The following PSG2 variants were observed in gnomAD, a reference collection of about 807,000 sequenced individuals.
PSG2 encodes the protein pregnancy specific beta-1-glycoprotein 2.
PSG2 carries 49 observed loss-of-function variants against 36.2 expected under a neutral mutation model. The observed-to-expected ratio is 1.35, with a 90% CI of 1.08 to 1.72. The LOEUF (loss-of-function observed/expected upper bound fraction) is 1.72. Among genes scored for constraint, PSG2 ranks in the 40% most tolerant of loss-of-function variants. PSG2 has a pLI of 0.00. For missense variants in PSG2, 605 were observed against 407.2 expected, an observed-to-expected ratio of 1.49 and a Z score of -4.18; for synonymous variants, 261 against 155.6, an observed-to-expected ratio of 1.68 and a Z score of -5.04.
At chr19:43,065,128 C>A (rs1345956714) in intron 5 of PSG2, among the ~76,000 whole-genome samples, 1 of 151,798 alleles carries the variant, frequency 6.6e-6, no homozygotes, top group Admixed American at 6.6e-5. Context: ...AGCCATCGCG[C>A]TCAGCCTAGA....
In PSG2 at chr19:43,076,854, T is replaced by C. The variant is rs545332738; in HGVS notation, c.431-1222A>G. On this transcript the variant is annotated intron_variant, in intron 2 of 5. Transcript: ENST00000406487. Reference sequence around the variant, plus strand: ...TTTTTATTTTGGAATATTTGCCGTATATGTACTGGTTTAGCATCCCAAATC... The same window carrying C: ...TTTTTATTTTGGAATATTTGCCGTACATGTACTGGTTTAGCATCCCAAATC... Among the ~76,000 whole-genome samples, 311 of 151,630 alleles carry C rather than the reference T, an allele frequency of 2.1e-3. 4 individuals carry two copies. Among genetic ancestry groups the C allele is most frequent in the African/African-American group, 6.6e-3 (271 of 41,040 alleles).
intron 4 of PSG2, among the ~76,000 whole-genome samples, chr19:43,067,615 A>C (rs893733812): frequency 1.3e-5 from 2 of 151,402 alleles, no homozygotes; most frequent in African/African-American, 4.9e-5. Flanking sequence ...AGCGTGGTGT[A>C]AAAACTTTCC....
intron 4 of PSG2, among the ~76,000 whole-genome samples, chr19:43,069,854 A>G (rs1383305724): frequency 6.6e-6 from 1 of 151,802 alleles, no homozygotes; most frequent in African/African-American, 2.4e-5. Context: ...CATAAAAATC[A>G]AAACCTTTTA....
intron 3 of PSG2, 60 bp downstream of exon 3, chr19:43,075,294 C>A: frequency 1.9e-6 from 3 of 1,612,880 alleles, no homozygotes; most frequent in Non-Finnish European, 2.5e-6. Context: ...AGAGGCCTGG[C>A]CTCTGGCCAT....
chr19:43,068,036 TA>T (rs1367988977), intron 4 of PSG2, among the ~76,000 whole-genome samples: 2 of 151,416 alleles, frequency 1.3e-5, no homozygotes, highest in African/African-American at 2.4e-5. Flanking sequence ...TAGAGGAAAT[TA>T]CTGAAACCAA....
Position 43,071,803 on chromosome 19 carries a change from A to G in PSG2, c.861T>C (p.Phe287=), listed in dbSNP as rs781036584. 9.3e-6 allele frequency: 15 copies of G among 1,613,006 alleles called. 1 individual carries two copies. Among genetic ancestry groups the G allele is most frequent in the Non-Finnish European group, 1.3e-5 (15 of 1,179,526 alleles). ...GKFQQSGQNL[F]IPQITTKHSG... is the part of the protein sequence containing the mutation. ...TATGCTTTGTAGTAATTTGGGGGATAAACAGATTTTGTCCTGATTGCTGAA... is the reference window on the plus strand; with the variant it reads ...TATGCTTTGTAGTAATTTGGGGGATGAACAGATTTTGTCCTGATTGCTGAA... Residue 287 remains phenylalanine (F), a synonymous_variant, in exon 4 of 6, where the codon TTT becomes TTC. Coordinates refer to ENST00000406487, the MANE Select transcript of PSG2 (RefSeq NM_031246.4).
At chr19:43,072,067 G>C in intron 3 of PSG2, 113 bp from the exon 4 acceptor site, 1 of 1,459,294 alleles carries the variant, frequency 6.9e-7, no homozygotes, top group Non-Finnish European at 9.3e-7. Flanking sequence ...TCAAGTCCCA[G>C]CAAAACCCCC....
At position 43,077,157 on chromosome 19, in the gene PSG2, T is replaced by C. The variant is rs1215448785; in HGVS notation, c.431-1525A>G. Among the ~76,000 whole-genome samples, 3 of 151,658 alleles carry C rather than the reference T, an allele frequency of 2.0e-5. 1 individual carries two copies. Among genetic ancestry groups the C allele is most frequent in the African/African-American group, 7.3e-5 (3 of 41,010 alleles). On this transcript the variant is annotated intron_variant, in intron 2 of 5. Coordinates refer to ENST00000406487, the MANE Select transcript of PSG2 (RefSeq NM_031246.4). ...CCAAACATCTAAGATCAATTGCTGG[T>C]AGTAGTATTTCTCCTGAGACCAAAA... is the stretch of plus-strand genomic sequence containing the variant.
chr19:43,073,912 C>G (rs1967854539), intron 3 of PSG2, among the ~76,000 whole-genome samples: 1 of 151,692 alleles, frequency 6.6e-6, no homozygotes, highest in African/African-American at 2.4e-5. Context: ...ATCTAAAATG[C>G]TCCAGTGAGC....
intron 2 of PSG2, among the ~76,000 whole-genome samples, chr19:43,076,227 T>C (rs1967893972): frequency 6.6e-6 from 1 of 151,556 alleles, no homozygotes; most frequent in Non-Finnish European, 1.5e-5. Flanking sequence ...GGGGCAGTTT[T>C]CCCAGGTGTC....
rs1334982911 is a variant in PSG2, at chr19:43,064,607, A to T, written c.*41-6T>A. On this transcript the variant is annotated splice_region_variant and splice_polypyrimidine_tract_variant and intron_variant, in intron 5 of 5. Transcript: ENST00000406487. ...GAGACCTTTCCATAAATCTCCTTGA[A>T]GAAAAAGCAATTTTGGACTGTAGGT... 1 of 649,312 alleles carries T rather than the reference A, an allele frequency of 1.5e-6. No individual in the cohort carries two copies. Among genetic ancestry groups the T allele is most frequent in the African/African-American group, 1.8e-5 (1 of 54,524 alleles). 40.2% of individuals were successfully genotyped at this position (649,312 alleles called of 1,614,324 possible). A position where few individuals can be genotyped will look rare whatever the true frequency, so the allele number is the denominator to read the frequency against.
chr19:43,072,537 T>C lies in PSG2; in HGVS notation c.710-583A>G, dbSNP rs1302942021. 3.7e-6 allele frequency: 6 copies of C among 1,611,308 alleles called. No individual in the cohort carries two copies. In the South Asian group the frequency reaches 6.6e-5, roughly 18 times the overall value. ...TTTAGCCACCAAATGTAGGTGTAGC[T>C]CTCACTCTTAGGTTCACAGGTGAAG... is the stretch of plus-strand genomic sequence containing the variant. On this transcript the variant is annotated intron_variant, in intron 3 of 5. Transcript: ENST00000406487.
At position 43,075,470 on chromosome 19, in the gene PSG2, G is replaced by A. The variant is rs1967880741; in HGVS notation, c.593C>T (p.Thr198Ile). ...ACCAAATAGAAAGAGGGTCCTGTTG[G>A]TTTCGGACAGCTGAAACCTATGAGT... ...PMTHRFQLSETNRTLFLFGVT... is the reference protein window; with the variant it reads ...PMTHRFQLSEINRTLFLFGVT... The change falls in exon 3 of 6, where the codon ACC (threonine) becomes ATC (isoleucine). Residue 198 changes from threonine to isoleucine, a missense_variant. Thr to Ile is a moderately conservative substitution (Grantham distance 89, BLOSUM62 -1). Coordinates refer to ENST00000406487, the MANE Select transcript of PSG2 (RefSeq NM_031246.4). 6.2e-6 allele frequency: 10 copies of A among 1,613,196 alleles called. No individual in the cohort carries two copies. Among genetic ancestry groups the A allele is most frequent in the African/African-American group, 1.3e-5 (1 of 74,580 alleles).
In PSG2 at chr19:43,075,354, G is replaced by C. The variant is rs754469616; in HGVS notation, c.709C>G (p.His237Asp). The C allele has an allele frequency of 1.2e-6, 2 of 1,613,122 alleles. No individual in the cohort carries two copies. Among genetic ancestry groups the C allele is most frequent in the East Asian group, 4.5e-5 (2 of 44,862 alleles). Reference protein sequence around the residue: ...RSDPVTLNLLHGPDLPRIHPS... With the variant: ...RSDPVTLNLLDGPDLPRIHPS... ...CCACAGAGGAACAGAAGATACTCAC[G>C]GAGGAGATTCAGGGTGACTGGGTCA... Residue 237 changes from histidine (H) to aspartate (D), a missense_variant and splice_region_variant, in exon 3 of 6, where the codon CAT becomes GAT. By Grantham distance (81) the His-to-Asp change is moderately conservative. Coordinates refer to ENST00000406487, the MANE Select transcript of PSG2 (RefSeq NM_031246.4).
rs1357902277 is a variant in PSG2, at chr19:43,075,781, A to T, written c.431-149T>A. 2.0e-6 allele frequency: 3 copies of T among 1,464,316 alleles called. No homozygotes were observed. The East Asian group carries it at 6.9e-5, about 33-fold the overall frequency. 90.7% of individuals were successfully genotyped at this position (1,464,316 alleles called of 1,614,324 possible). On this transcript the variant is annotated intron_variant, in intron 2 of 5. Transcript: ENST00000406487. ...GGTGTGTGTGTTACAAGACAGATGC[A>T]TGGCAATCTGAGGGCTCAGTGATTG...
At chr19:43,074,349 T>C (rs1032604656) in intron 3 of PSG2, among the ~76,000 whole-genome samples, 6 of 151,724 alleles carry the variant, frequency 4.0e-5, no homozygotes, top group Admixed American at 1.3e-4. Context: ...TTTCCATATA[T>C]TGATATCGTC....
intron 4 of PSG2, among the ~76,000 whole-genome samples, chr19:43,069,795 T>C (rs949770867): frequency 6.6e-6 from 1 of 151,738 alleles, no homozygotes; most frequent in African/African-American, 2.4e-5. Flanking sequence ...GATTTCCTGG[T>C]TGTAACAACA....
At chr19:43,079,885 G>C (rs1279827886) in intron 2 of PSG2, among the ~76,000 whole-genome samples, 1 of 151,662 alleles carries the variant, frequency 6.6e-6, no homozygotes, top group African/African-American at 2.4e-5. Flanking sequence ...GCTGCAGGCA[G>C]ACCTCATGTG....
At chr19:43,074,128 C>G (rs958082225) in intron 3 of PSG2, among the ~76,000 whole-genome samples, 28 of 151,724 alleles carry the variant, frequency 1.8e-4, no homozygotes, top group African/African-American at 6.8e-4. Flanking sequence ...CAGAACTTTC[C>G]ACCTTTTCAT....
Sources: allele counts gnomAD v4.1 joint callset (sites outside exome capture counted in the v4.1 genomes callset), GRCh38; gene constraint gnomAD v4.1.1; transcripts MANE v1.5; gene names NCBI Gene and HGNC (gene_info 2026-07-23, HGNC 2026-07-21).